Variants in GAREM1 observed in about 807,000 individuals in gnomAD.
GAREM1 encodes GRB2-associated and regulator of MAPK protein 1.
GAREM1 carries 26 observed loss-of-function variants against 71.3 expected under a neutral mutation model. The ratio of observed to expected loss-of-function variants is 0.36; its 90% CI spans 0.27 to 0.51. The LOEUF (loss-of-function observed/expected upper bound fraction) is 0.51, where lower values mean the gene tolerates loss of function less well. Among genes scored for constraint, GAREM1 ranks in the 20% least tolerant of loss-of-function variants. GAREM1 has a pLI of 0.95. For synonymous variants in GAREM1, 440 were observed against 433.2 expected, an observed-to-expected ratio of 1.02 and a Z score of -0.20; for missense variants, 1,026 against 1,103.1, an observed-to-expected ratio of 0.93 and a Z score of 0.99.
At chr18:32,306,695 C>T (rs1325391201) in intron 3 of GAREM1, among the ~76,000 whole-genome samples, 2 of 152,084 alleles carry the variant, frequency 1.3e-5, no homozygotes, top group African/African-American at 4.8e-5. Context: ...ACCTGTAGAT[C>T]CAACTGATTC....
chr18:32,385,277 G>T (rs2048135255), intron 2 of GAREM1, among the ~76,000 whole-genome samples: 1 of 151,574 alleles, frequency 6.6e-6, no homozygotes, highest in South Asian at 2.1e-4. Context: ...GGCAAAAATA[G>T]TTGATCCTTC....
At chr18:32,340,806 AACTAG>A (rs2047640456) in intron 2 of GAREM1, among the ~76,000 whole-genome samples, 1 of 152,138 alleles carries the variant, frequency 6.6e-6, no homozygotes, top group South Asian at 2.1e-4. Flanking sequence ...AGAAAGTGAG[AACTAG>A]ATATCCCAAG....
Position 32,287,243 on chromosome 18 carries a change from G to A in GAREM1, c.1354C>T (p.Pro452Ser), listed in dbSNP as rs749493102. Residue 452 changes from proline (P) to serine (S), a missense_variant, in exon 4 of 6, where the codon CCC (proline) becomes TCC (serine). This residue lies in a region of GAREM1 where 636 missense variants were observed against 631.2 expected (regional missense o/e 1.01). Transcript: ENST00000269209. This position sits in a 1 kb window ranked among gnomAD's most constrained non-coding sequence, Gnocchi z 5.9. ...TCCTCCAGCCACAGCTCTTCGTAGG[G>A]AAGTTCTGACTTTCCCGGGATGCCT... Reference protein sequence around the residue: ...SAGIPGKSELPYEELWLEEGK... With the variant: ...SAGIPGKSELSYEELWLEEGK... 2 of 1,614,234 alleles carry A rather than the reference G, an allele frequency of 1.2e-6. No homozygotes were observed. The highest frequency in any genetic ancestry group is 4.5e-5 in the East Asian group (2 of 44,880).
At chr18:32,407,416 A>C (rs374426870) in intron 1 of GAREM1, among the ~76,000 whole-genome samples, 1 of 152,208 alleles carries the variant, frequency 6.6e-6, no homozygotes. Context: ...CTGGGCAACA[A>C]GAGTGAAACT....
At chr18:32,271,148 A>G (rs1414525834) in intron 4 of GAREM1, among the ~76,000 whole-genome samples, 1 of 152,062 alleles carries the variant, frequency 6.6e-6, no homozygotes, top group African/African-American at 2.4e-5. Context: ...GATTATAGGC[A>G]TGAGCCACCG....
chr18:32,316,830 T>C (rs1362564475), intron 2 of GAREM1, among the ~76,000 whole-genome samples: 1 of 152,236 alleles, frequency 6.6e-6, no homozygotes, highest in Non-Finnish European at 1.5e-5. Flanking sequence ...AATGTAATGT[T>C]TAAACACTAG....
rs186997287 is a variant in GAREM1 at position 32,460,975 on chromosome 18, C to T, written c.121+9333G>A. ...AAATGAGTTGTACTTTCCAGAAATA[C>T]TTTATTTAGAATATGGGTAACTAAT... is the stretch of plus-strand genomic sequence containing the variant. On this transcript the variant is annotated intron_variant, in intron 1 of 5. Transcript: ENST00000269209. Among the ~76,000 whole-genome samples, 630 of 152,228 alleles carry T rather than the reference C, an allele frequency of 4.1e-3. 4 individuals carry two copies. Among genetic ancestry groups the T allele is most frequent in the African/African-American group, 0.014 (580 of 41,522 alleles).
At chr18:32,283,813 G>A (rs1003434491) in intron 4 of GAREM1, among the ~76,000 whole-genome samples, 9 of 152,144 alleles carry the variant, frequency 5.9e-5, no homozygotes, top group Admixed American at 2.0e-4. Flanking sequence ...AGCAGAGCCC[G>A]GAGGATGCCA....
chr18:32,458,373 C>T (rs1364963375), intron 1 of GAREM1, among the ~76,000 whole-genome samples: 1 of 151,988 alleles, frequency 6.6e-6, no homozygotes, highest in Non-Finnish European at 1.5e-5. Flanking sequence ...TATTTGATTT[C>T]ATACAATGCA....
intron 1 of GAREM1, among the ~76,000 whole-genome samples, chr18:32,402,771 C>T (rs1412876328): frequency 6.6e-6 from 1 of 152,134 alleles, no homozygotes; most frequent in Non-Finnish European, 1.5e-5. Context: ...AACTAGATAT[C>T]CCCCTGCCCT....
intron 3 of GAREM1, among the ~76,000 whole-genome samples, chr18:32,294,489 C>G (rs1406141203): frequency 1.3e-5 from 2 of 152,064 alleles, no homozygotes; most frequent in Non-Finnish European, 2.9e-5. Context: ...ATCATTTTTT[C>G]TATGGTTTGT....
Position 32,270,333 on chromosome 18 carries a change from G to A in GAREM1, c.1617C>T (p.Ser539=), listed in dbSNP as rs6506966. 0.055 allele frequency: 88,948 copies of A among 1,613,782 alleles called. 2,928 individuals carry two copies. Among genetic ancestry groups the A allele is most frequent in the African/African-American group, 0.12 (8,998 of 74,986 alleles). ...LLNAPPVPPR[S]AKPLSTSPSI... ...AGGGACTGGTGGACAAAGGCTTTGC[G>A]CTTCGGGGTGGAACAGGTGGGGCGT... Residue 539 remains serine (S), a synonymous_variant, in exon 5 of 6, where the codon AGC becomes AGT. Coordinates refer to ENST00000269209, the MANE Select transcript of GAREM1 (RefSeq NM_001242409.2).
At chr18:32,452,298 G>A (rs866768632) in intron 1 of GAREM1, among the ~76,000 whole-genome samples, 11 of 152,056 alleles carry the variant, frequency 7.2e-5, no homozygotes, top group East Asian at 1.9e-4. Flanking sequence ...TTTGTGTCCC[G>A]GAAAGGGAAG....
intron 1 of GAREM1, among the ~76,000 whole-genome samples, chr18:32,398,221 C>T (rs2048277277): frequency 6.6e-6 from 1 of 151,946 alleles, no homozygotes; most frequent in Non-Finnish European, 1.5e-5. Context: ...AGGAAAGATC[C>T]AAAATTAACA....
chr18:32,423,933 A>C (rs1037633278), intron 1 of GAREM1, among the ~76,000 whole-genome samples: 2 of 152,142 alleles, frequency 1.3e-5, no homozygotes, highest in Admixed American at 1.3e-4. Context: ...CAAGAGTCTG[A>C]GACATGCCAG....
At chr18:32,451,248 T>TCCCCCCCCCCCCC (rs1164223308) in intron 1 of GAREM1, among the ~76,000 whole-genome samples, 21 of 102,440 alleles carry the variant, frequency 2.0e-4, no homozygotes, top group African/African-American at 5.2e-4. Context: ...AGAGCCCCCA[T>TCCCCCCCCCCCCC]CCCCCCACCC....
chr18:32,397,631 A>T (rs2048270681), intron 1 of GAREM1, among the ~76,000 whole-genome samples: 1 of 152,236 alleles, frequency 6.6e-6, no homozygotes, highest in Admixed American at 6.5e-5. Flanking sequence ...CACCCAATAC[A>T]GGAGCACTCA....
chr18:32,429,872 A>G (rs2048607473), intron 1 of GAREM1, among the ~76,000 whole-genome samples: 1 of 152,228 alleles, frequency 6.6e-6, no homozygotes, highest in Non-Finnish European at 1.5e-5. Context: ...GTAAGATAGA[A>G]AAAAACAAAA....
At chr18:32,378,777 C>T (rs1411174605) in intron 2 of GAREM1, among the ~76,000 whole-genome samples, 1 of 152,126 alleles carries the variant, frequency 6.6e-6, no homozygotes, top group African/African-American at 2.4e-5. Context: ...CTCATACAGC[C>T]TGCCTCTGAG....
Sources: allele counts gnomAD v4.1 joint callset (sites outside exome capture counted in the v4.1 genomes callset), GRCh38; gene constraint gnomAD v4.1.1; regional missense constraint gnomAD v4.1.1; non-coding constraint Gnocchi (gnomAD v3.1); transcripts MANE v1.5; gene names NCBI Gene and HGNC (gene_info 2026-07-23, HGNC 2026-07-21).